The following TTBK2 variants were observed in gnomAD, a reference collection of about 807,000 sequenced individuals.
TTBK2 encodes tau-tubulin kinase 2.
In TTBK2, 28 loss-of-function variants were observed where a neutral mutation model predicts 110.8. The observed-to-expected ratio is 0.25, with a 90% CI of 0.19 to 0.35. The LOEUF (loss-of-function observed/expected upper bound fraction) is 0.35. Ranked by LOEUF, TTBK2 falls within the 10% of genes least tolerant of loss-of-function variation. The probability of loss-of-function intolerance (pLI) is 1.00; values close to 1 mark genes in which losing one functional copy is unlikely to be tolerated. For synonymous variants in TTBK2, 532 were observed against 527.3 expected, an observed-to-expected ratio of 1.01 and a Z score of -0.12; for missense variants, 1,369 against 1,500.3, an observed-to-expected ratio of 0.91 and a Z score of 1.45.
Position 42,752,245 on chromosome 15 carries a change from T to G in TTBK2, c.3001A>C (p.Lys1001Gln). Residue 1001 changes from lysine (K) to glutamine (Q), a missense_variant, in exon 14 of 15, where the codon AAA (lysine) becomes CAA (glutamine). This residue lies in a region of TTBK2 where 1,097 missense variants were observed against 1,114.7 expected (regional missense o/e 0.98). Transcript: ENST00000267890. ...FLGDLSSASD[K>Q]LLEEKLATVP... ...GTAGCTAGTTTCTCCTCTAGCAATT[T>G]ATCAGAGGCACTTGAGAGGTCGCCA... 2 of 1,614,062 alleles carry G rather than the reference T, an allele frequency of 1.2e-6. No individual in the cohort carries two copies. The highest frequency in any genetic ancestry group is 3.3e-5 in the Admixed American group (2 of 59,986).
chr15:42,838,042 T>C (rs1893065053), intron 4 of TTBK2, among the ~76,000 whole-genome samples: 1 of 151,894 alleles, frequency 6.6e-6, no homozygotes, highest in East Asian at 1.9e-4. Context: ...ACCCTGTCTC[T>C]ACTAAAAATA....
intron 3 of TTBK2, among the ~76,000 whole-genome samples, chr15:42,851,464 G>T (rs552446305): frequency 2.6e-5 from 4 of 152,050 alleles, no homozygotes; most frequent in Admixed American, 2.6e-4. Flanking sequence ...TAACTGTTTA[G>T]TATGTTAGAA....
At chr15:42,783,744 T>TG (rs1890279416) in intron 10 of TTBK2, 109 bp from the exon 11 acceptor site, 1 of 651,094 alleles carries the variant, frequency 1.5e-6, no homozygotes, top group African/African-American at 1.9e-5. Context: ...TTAAGAGAGT[T>TG]AAAAAAAAAA....
chr15:42,746,119 T>C lies in TTBK2; in HGVS notation c.3411A>G (p.Pro1137=). 1 of 1,614,132 alleles carries C rather than the reference T, an allele frequency of 6.2e-7. No individual in the cohort carries two copies. ...QCKSPGSPHN[P]KTPPKSPVVP... ...CAACTGGACTCTTGGGTGGTGTTTT[T>C]GGATTGTGAGGAGATCCTGGACTCT... is the stretch of plus-strand genomic sequence containing the variant. The change falls in exon 15 of 15, where the codon CCA becomes CCG. Residue 1137 remains proline, a synonymous_variant. Transcript: ENST00000267890.
intron 12 of TTBK2, among the ~76,000 whole-genome samples, chr15:42,776,438 C>T (rs1332012527): frequency 6.6e-6 from 1 of 152,220 alleles, no homozygotes; most frequent in Admixed American, 6.5e-5. Flanking sequence ...TGCCTCAAAA[C>T]CATGCACTAC....
intron 9 of TTBK2, among the ~76,000 whole-genome samples, chr15:42,795,945 G>T (rs1039965154): frequency 6.6e-6 from 1 of 151,750 alleles, no homozygotes; most frequent in Non-Finnish European, 1.5e-5. Flanking sequence ...GACCAGTTAA[G>T]AGATTACTGT....
intron 5 of TTBK2, among the ~76,000 whole-genome samples, chr15:42,828,817 AGACTTAAGGAAAATACAC>A (rs1892637837): frequency 6.6e-6 from 1 of 152,158 alleles, no homozygotes; most frequent in East Asian, 1.9e-4. Context: ...ATTTCAAAAC[AGACTTAAGGAAAATACAC>A]TTTGTATTCT....
At chr15:42,747,929 G>T (rs541961023) in intron 14 of TTBK2, among the ~76,000 whole-genome samples, 1 of 152,044 alleles carries the variant, frequency 6.6e-6, no homozygotes, top group South Asian at 2.1e-4. Flanking sequence ...ACTTTAGATC[G>T]ATAGTAAATT....
At position 42,815,851 on chromosome 15, in the gene TTBK2, T is replaced by TCC. The variant is rs10679789; in HGVS notation, c.603+1180_603+1181insGG. On this transcript the variant is annotated intron_variant, in intron 7 of 14. Transcript: ENST00000267890. The stretch of plus-strand genomic sequence containing the variant: ...CAGATGTTCAATCTCTTCCAAATTC[T>TCC]CTCTCTCTATATATATATATTTAAA... Among the ~76,000 whole-genome samples, 1,223 of 127,232 alleles carry TCC rather than the reference T, an allele frequency of 9.6e-3. 38 individuals carry two copies. The highest frequency in any genetic ancestry group is 0.032 in the African/African-American group (950 of 29,336). 83.5% of individuals were successfully genotyped at this position (127,232 alleles called of 152,430 possible).
intron 13 of TTBK2, among the ~76,000 whole-genome samples, chr15:42,764,238 AT>A (rs1889246078): frequency 6.6e-6 from 1 of 152,192 alleles, no homozygotes; most frequent in Non-Finnish European, 1.5e-5. Flanking sequence ...TACCTGGTTC[AT>A]CTCACTGGGA....
chr15:42,803,959 G>A (rs1232025142), intron 9 of TTBK2, among the ~76,000 whole-genome samples: 4 of 146,590 alleles, frequency 2.7e-5, no homozygotes, highest in African/African-American at 7.7e-5. Context: ...CCCGGGAGGT[G>A]GAGGTTTCAG....
At position 42,816,873 on chromosome 15, in the gene TTBK2, C is replaced by T. The variant is rs559497564; in HGVS notation, c.603+159G>A. 9.2e-5 allele frequency among the ~76,000 whole-genome samples: 14 copies of T among 151,730 alleles called. No homozygotes were observed. The East Asian group carries it at 2.3e-3, about 25-fold the overall frequency. On this transcript the variant is annotated intron_variant, in intron 7 of 14. Transcript: ENST00000267890. ...GGCAGAGGTTGCGGTGAGCCAAGATCGGGCCACTGCACTCCAGCCCGGGCG... is the reference window on the plus strand; with the variant it reads ...GGCAGAGGTTGCGGTGAGCCAAGATTGGGCCACTGCACTCCAGCCCGGGCG...
At chr15:42,872,496 C>T in intron 3 of TTBK2, 115 bp downstream of exon 3, 2 of 1,245,442 alleles carry the variant, frequency 1.6e-6, no homozygotes, top group South Asian at 1.3e-5. Context: ...TTATACCCGG[C>T]TGACACCAGT....
intron 13 of TTBK2, 67 bp from the exon 14 acceptor site, chr15:42,753,314 G>T: frequency 5.5e-6 from 8 of 1,461,230 alleles, no homozygotes; most frequent in Non-Finnish European, 7.5e-6. Flanking sequence ...CATGCTTTGA[G>T]ATTTAACATC....
intron 3 of TTBK2, among the ~76,000 whole-genome samples, chr15:42,860,640 CTTTTTT>C (rs796405914): frequency 3.9e-5 from 4 of 102,124 alleles, no homozygotes. Context: ...GGTATTCTTT[CTTTTTT>C]TTTTTTTTTT....
chr15:42,828,992 C>A (rs186810490), intron 5 of TTBK2, among the ~76,000 whole-genome samples: 3 of 152,134 alleles, frequency 2.0e-5, no homozygotes, highest in Admixed American at 6.5e-5. Flanking sequence ...TACTTAGGGG[C>A]TTTCTGATAA....
At chr15:42,771,032 G>A (rs1364725017) in intron 13 of TTBK2, among the ~76,000 whole-genome samples, 3 of 151,192 alleles carry the variant, frequency 2.0e-5, no homozygotes, top group Admixed American at 6.6e-5. Flanking sequence ...GGAGTGCAGT[G>A]GCGCGATCTC....
intron 6 of TTBK2, among the ~76,000 whole-genome samples, chr15:42,823,363 A>G (rs1056284709): frequency 1.3e-5 from 2 of 152,196 alleles, no homozygotes; most frequent in Non-Finnish European, 2.9e-5. Context: ...ATATATATAT[A>G]TAGTTTAGGA....
At chr15:42,753,511 A>G (rs2061898669) in intron 13 of TTBK2, among the ~76,000 whole-genome samples, 1 of 152,134 alleles carries the variant, frequency 6.6e-6, no homozygotes, top group African/African-American at 2.4e-5. Context: ...CTGGAAGACT[A>G]ATTTCTATAG....
Sources: allele counts gnomAD v4.1 joint callset (sites outside exome capture counted in the v4.1 genomes callset), GRCh38; gene constraint gnomAD v4.1.1; regional missense constraint gnomAD v4.1.1; transcripts MANE v1.5; gene names NCBI Gene and HGNC (gene_info 2026-07-23, HGNC 2026-07-21).